Variants in SNX29 observed in about 807,000 individuals in gnomAD.
SNX29 encodes sorting nexin-29.
A neutral mutation model predicts 102.1 loss-of-function variants in SNX29; 78 were observed. The ratio of observed to expected loss-of-function variants is 0.76; its 90% CI spans 0.64 to 0.92. The LOEUF is 0.92. Ranked by LOEUF, SNX29 falls within the 40% of genes least tolerant of loss-of-function variation. The pLI is 0.00. For synonymous variants in SNX29, 580 were observed against 414.5 expected, an observed-to-expected ratio of 1.40 and a Z score of -4.85; for missense variants, 1,280 against 1,061.7, an observed-to-expected ratio of 1.21 and a Z score of -2.86.
chr16:12,220,045 T>G (rs911278031), intron 14 of SNX29, among the ~76,000 whole-genome samples: 3 of 152,266 alleles, frequency 2.0e-5, no homozygotes, highest in Non-Finnish European at 4.4e-5. Flanking sequence ...CAGACAAGCC[T>G]TGAAAACTGA....
chr16:12,524,962 C>A lies in SNX29; in HGVS notation c.2318+121C>A, dbSNP rs3213481. 14 of 1,399,546 alleles carry A rather than the reference C, an allele frequency of 1.0e-5. No homozygotes were observed. The Admixed American group carries it at 3.1e-4, about 31-fold the overall frequency. The allele number at this position is 1,399,546 out of a possible 1,614,324, so 86.7% of individuals were successfully genotyped here. A position where few individuals can be genotyped will look rare whatever the true frequency, so the allele number is the denominator to read the frequency against. ...TGCCCTGATCGCCATGGGACCCAGG[C>A]GAACTCCAGGGGCTGTTCCAGGTGC... On this transcript the variant is annotated intron_variant, in intron 20 of 20. Coordinates refer to ENST00000566228, the MANE Select transcript of SNX29 (RefSeq NM_032167.5).
At chr16:12,517,758 C>A (rs1218477349) in intron 19 of SNX29, among the ~76,000 whole-genome samples, 1 of 151,988 alleles carries the variant, frequency 6.6e-6, no homozygotes, top group Non-Finnish European at 1.5e-5. Flanking sequence ...GAGACTATCC[C>A]AGGAAGCAAC....
intron 11 of SNX29, 100 bp from the exon 12 acceptor site, chr16:12,126,533 T>C: frequency 1.6e-6 from 2 of 1,246,858 alleles, no homozygotes; most frequent in East Asian, 2.5e-5. Flanking sequence ...GGAACTTATC[T>C]AGACAAGTCA....
intron 15 of SNX29, among the ~76,000 whole-genome samples, chr16:12,291,220 G>A (rs1192969601): frequency 1.3e-5 from 2 of 152,282 alleles, no homozygotes; most frequent in East Asian, 1.9e-4. Flanking sequence ...ACATGCCCAA[G>A]ACCGGGAAGA....
intron 11 of SNX29, among the ~76,000 whole-genome samples, chr16:12,115,249 A>T (rs1457739049): frequency 6.6e-6 from 1 of 151,908 alleles, no homozygotes; most frequent in Non-Finnish European, 1.5e-5. Flanking sequence ...TGGGAATCCC[A>T]TCCTATCTGT....
At chr16:12,478,699 G>T (rs1411354237) in intron 19 of SNX29, among the ~76,000 whole-genome samples, 5 of 152,158 alleles carry the variant, frequency 3.3e-5, no homozygotes, top group Admixed American at 3.3e-4. Context: ...CCTCATGTTT[G>T]TTTAGGAAGC....
intron 16 of SNX29, among the ~76,000 whole-genome samples, chr16:12,398,215 G>A (rs1218733003): frequency 6.6e-6 from 1 of 152,076 alleles, no homozygotes; most frequent in Non-Finnish European, 1.5e-5. Context: ...ACAGTCCCTT[G>A]GCCATAAAGA....
intron 16 of SNX29, among the ~76,000 whole-genome samples, chr16:12,380,969 T>C (rs1454440244): frequency 3.3e-5 from 2 of 61,422 alleles, no homozygotes; most frequent in African/African-American, 7.4e-5. Flanking sequence ...ATCAATTTCA[T>C]CCACCCACCA....
At chr16:12,351,727 T>A (rs2081996793) in intron 15 of SNX29, among the ~76,000 whole-genome samples, 1 of 152,174 alleles carries the variant, frequency 6.6e-6, no homozygotes, top group Admixed American at 6.5e-5. Context: ...TTACTCCATC[T>A]CCTAAAGCTC....
Position 12,293,389 on chromosome 16 carries a change from ACAG to A in SNX29, c.1782+15357_1782+15359del, listed in dbSNP as rs201354829. Among the ~76,000 whole-genome samples, 78 of 152,370 alleles carry A rather than the reference ACAG, an allele frequency of 5.1e-4. No individual in the cohort carries two copies. The East Asian group carries it at 0.012, about 24-fold the overall frequency. On this transcript the variant is annotated intron_variant, in intron 15 of 20. Transcript: ENST00000566228. ...CTGACGTCTGGACCCAGTTCTGATA[ACAG>A]CAGTGACTGTGATCCTGCTTTCCTG...
chr16:12,364,416 C>CTT (rs1163569342), intron 16 of SNX29, among the ~76,000 whole-genome samples: 30 of 98,790 alleles, frequency 3.0e-4, no homozygotes, highest in Admixed American at 1.3e-3. Flanking sequence ...CTCTCTTCTT[C>CTT]TTTTTTTTTT....
At chr16:12,225,042 C>T (rs775015631) in intron 14 of SNX29, among the ~76,000 whole-genome samples, 13 of 152,204 alleles carry the variant, frequency 8.5e-5, no homozygotes, top group South Asian at 2.1e-4. Flanking sequence ...CCTCCTCTTA[C>T]TTTAGTCAGA....
chr16:12,423,862 G>A (rs541675322), intron 18 of SNX29, among the ~76,000 whole-genome samples: 11 of 152,298 alleles, frequency 7.2e-5, no homozygotes, highest in East Asian at 3.9e-4. Context: ...GTGAGCTACC[G>A]TGCCCAGCCT....
At chr16:12,072,746 C>A (rs1033142586) in intron 10 of SNX29, among the ~76,000 whole-genome samples, 2 of 152,010 alleles carry the variant, frequency 1.3e-5, no homozygotes, top group Non-Finnish European at 1.5e-5. Context: ...AGGAATGGTA[C>A]CAGTTCCTCC....
At chr16:12,480,178 G>A (rs938513485) in intron 19 of SNX29, among the ~76,000 whole-genome samples, 1 of 152,182 alleles carries the variant, frequency 6.6e-6, no homozygotes, top group African/African-American at 2.4e-5. Context: ...CACAAATGCA[G>A]GGACTAAAAC....
intron 20 of SNX29, among the ~76,000 whole-genome samples, chr16:12,550,387 T>A (rs2077895144): frequency 6.6e-6 from 1 of 152,000 alleles, no homozygotes; most frequent in Non-Finnish European, 1.5e-5. Flanking sequence ...ATCCAAAAAT[T>A]AGCCAGGCAT....
chr16:11,977,214 C>A (rs548417787), intron 1 of SNX29, among the ~76,000 whole-genome samples: 1 of 152,100 alleles, frequency 6.6e-6, no homozygotes, highest in African/African-American at 2.4e-5. Context: ...CAGTCATCCC[C>A]GCTACCCAGG....
intron 18 of SNX29, among the ~76,000 whole-genome samples, chr16:12,410,578 T>C (rs1336683267): frequency 6.6e-6 from 1 of 152,082 alleles, no homozygotes; most frequent in Non-Finnish European, 1.5e-5. Context: ...CCTAAGTATC[T>C]GGAACTGTAG....
chr16:12,194,502 C>G (rs2076721278), intron 13 of SNX29, among the ~76,000 whole-genome samples: 1 of 151,762 alleles, frequency 6.6e-6, no homozygotes, highest in African/African-American at 2.4e-5. Flanking sequence ...CAGCTAGAAT[C>G]TACTGTGCTG....
Sources: allele counts gnomAD v4.1 joint callset (sites outside exome capture counted in the v4.1 genomes callset), GRCh38; gene constraint gnomAD v4.1.1; transcripts MANE v1.5; gene names NCBI Gene and HGNC (gene_info 2026-07-23, HGNC 2026-07-21).